ADGRV1: variants seen among roughly 807,000 people sequenced by gnomAD.
The protein encoded by ADGRV1 is G-protein coupled receptor 98.
Under a neutral mutation model 596.2 loss-of-function variants are expected in ADGRV1, and 359 were observed. That is an observed-to-expected ratio of 0.60 (90% CI 0.55 to 0.66). The LOEUF is 0.66. Among genes scored for constraint, ADGRV1 ranks in the 30% least tolerant of loss-of-function variants. ADGRV1 has a pLI of 0.00. For synonymous variants in ADGRV1, 2,681 were observed against 2,679.2 expected (o/e 1.00, Z -0.02); for missense variants, 7,274 against 7,575.6 (o/e 0.96, Z 1.48).
At chr5:90,579,737 G>A (rs1757725318) in intron 1 of ADGRV1, among the ~76,000 whole-genome samples, 3 of 152,192 alleles carry the variant, frequency 2.0e-5, no homozygotes, top group Non-Finnish European at 4.4e-5. Flanking sequence ...TTGTGTGGGA[G>A]TCTAAGTCTC....
At chr5:90,799,479 A>G (rs1036907055) in intron 70 of ADGRV1, among the ~76,000 whole-genome samples, 3 of 152,204 alleles carry the variant, frequency 2.0e-5, no homozygotes, top group Non-Finnish European at 2.9e-5. Flanking sequence ...GGAAGAATTA[A>G]TATCGTTAAA....
At chr5:91,121,730 T>C (rs1477480610) in intron 87 of ADGRV1, among the ~76,000 whole-genome samples, 2 of 152,072 alleles carry the variant, frequency 1.3e-5, no homozygotes. Flanking sequence ...GAAGATGACA[T>C]CAGCCAAATA....
At chr5:91,067,063 G>T (rs1449579701) in intron 85 of ADGRV1, among the ~76,000 whole-genome samples, 1 of 152,066 alleles carries the variant, frequency 6.6e-6, no homozygotes, top group African/African-American at 2.4e-5. Context: ...TCAGGATTGG[G>T]TCATTTTCCT....
chr5:91,031,401 C>T, intron 85 of ADGRV1: 1 of 978,388 alleles, frequency 1.0e-6, no homozygotes, highest in Non-Finnish European at 1.6e-6. Flanking sequence ...TGCCATGGTC[C>T]CGAAAACCTT....
chr5:90,969,738 T>C (rs745311519), intron 84 of ADGRV1, among the ~76,000 whole-genome samples: 21 of 152,144 alleles, frequency 1.4e-4, no homozygotes, highest in Admixed American at 6.5e-4. Flanking sequence ...GAAGGCAGGG[T>C]TGGGGCAGTT....
At chr5:90,729,002 T>A in intron 49 of ADGRV1, 69 bp downstream of exon 49, 5 of 1,099,562 alleles carry the variant, frequency 4.5e-6, no homozygotes, top group Non-Finnish European at 6.4e-6. Flanking sequence ...ATGGTATATT[T>A]TATATGAAAA....
At chr5:90,611,975 G>A (rs768446952) in intron 1 of ADGRV1, among the ~76,000 whole-genome samples, 13 of 151,828 alleles carry the variant, frequency 8.6e-5, no homozygotes, top group Admixed American at 1.3e-4. Flanking sequence ...AACTTTGCCC[G>A]AACAACTTTT....
intron 84 of ADGRV1, among the ~76,000 whole-genome samples, chr5:90,969,408 C>T (rs542038551): frequency 3.0e-4 from 46 of 152,184 alleles, no homozygotes; most frequent in African/African-American, 1.0e-3. Context: ...GAAAGAGGTC[C>T]GACTTTGAGT....
At chr5:91,072,322 A>G (rs1201878906) in intron 85 of ADGRV1, 125 bp from the exon 86 acceptor site, 3 of 875,230 alleles carry the variant, frequency 3.4e-6, no homozygotes, top group Non-Finnish European at 5.5e-6. Flanking sequence ...TTGGCAAACC[A>G]AAAATCTGAT....
chr5:90,598,644 G>T (rs142518672), intron 1 of ADGRV1, among the ~76,000 whole-genome samples: 1 of 152,302 alleles, frequency 6.6e-6, no homozygotes, highest in African/African-American at 2.4e-5. Flanking sequence ...AAGTACTGTA[G>T]TCTGGGAGAC....
At chr5:91,092,754 A>G (rs990810836) in intron 86 of ADGRV1, 1 of 152,202 alleles carries the variant, frequency 6.6e-6, no homozygotes, top group Non-Finnish European at 1.5e-5. Flanking sequence ...GATGAAGTCA[A>G]TTAAATAGGG....
chr5:90,728,996 T>A, intron 49 of ADGRV1, 63 bp downstream of exon 49: 2 of 1,112,326 alleles, frequency 1.8e-6, no homozygotes, highest in Non-Finnish European at 2.5e-6. Context: ...ATTCATATGG[T>A]ATATTTTATA....
chr5:90,673,960 T>G (rs1580691679), intron 22 of ADGRV1, 94 bp from the exon 23 acceptor site: 2 of 843,974 alleles, frequency 2.4e-6, no homozygotes, highest in East Asian at 5.3e-5. Flanking sequence ...GGTAACTTCA[T>G]TTAAATATAA....
At chr5:90,705,147 C>T (rs1466099556) in intron 36 of ADGRV1, among the ~76,000 whole-genome samples, 1 of 152,080 alleles carries the variant, frequency 6.6e-6, no homozygotes, top group African/African-American at 2.4e-5. Flanking sequence ...TGGGTACTTT[C>T]CTCAGTTTCT....
Position 90,610,823 on chromosome 5 carries a change from G to T in ADGRV1, c.23-4012G>T, listed in dbSNP as rs529149725. Reference sequence around the variant, plus strand: ...CAGAAACTGAAAACTCTAGGATAAAGCTGGATTCAAGAGCTTAAGCTTGAT... The same window carrying T: ...CAGAAACTGAAAACTCTAGGATAAATCTGGATTCAAGAGCTTAAGCTTGAT... On this transcript the variant is annotated intron_variant, in intron 1 of 89. Transcript: ENST00000405460. 5.0e-4 allele frequency among the ~76,000 whole-genome samples: 76 copies of T among 151,950 alleles called. 2 individuals carry two copies. Among genetic ancestry groups the T allele is most frequent in the Non-Finnish European group, 1.2e-4 (8 of 67,902 alleles).
chr5:90,828,426 A>G (rs957807660), intron 76 of ADGRV1, among the ~76,000 whole-genome samples: 4 of 152,076 alleles, frequency 2.6e-5, no homozygotes, highest in African/African-American at 9.7e-5. Context: ...AACTGCTGTC[A>G]GGGTGTGGTA....
At position 90,726,678 on chromosome 5, in the gene ADGRV1, T is replaced by G. The variant is rs138212186; in HGVS notation, c.10161+1022T>G. ...ATGTGTGTGTGTGTGTGTGTGTGTGTGTGTGATCCTTCTCAGTCCCCATTG... is the reference window on the plus strand; with the variant it reads ...ATGTGTGTGTGTGTGTGTGTGTGTGGGTGTGATCCTTCTCAGTCCCCATTG... On this transcript the variant is annotated intron_variant, in intron 48 of 89. Coordinates refer to ENST00000405460, the MANE Select transcript of ADGRV1 (RefSeq NM_032119.4). 1.5e-3 allele frequency among the ~76,000 whole-genome samples: 229 copies of G among 152,126 alleles called. 1 individual carries two copies. The highest frequency in any genetic ancestry group is 3.4e-3 in the Middle Eastern group (1 of 294).
intron 21 of ADGRV1, among the ~76,000 whole-genome samples, chr5:90,659,122 G>T (rs905025223): frequency 6.6e-6 from 1 of 152,074 alleles, no homozygotes; most frequent in Non-Finnish European, 1.5e-5. Flanking sequence ...TTAGCCCTTT[G>T]GTTTGGTGGC....
chr5:91,050,745 A>G (rs1228312439), intron 85 of ADGRV1, among the ~76,000 whole-genome samples: 2 of 152,188 alleles, frequency 1.3e-5, no homozygotes, highest in Admixed American at 6.5e-5. Flanking sequence ...CTGTGGTTCC[A>G]GGTACTCAGG....
Sources: gnomAD v4.1 joint callset for allele counts (sites outside exome capture counted in the v4.1 genomes callset) on GRCh38, gnomAD v4.1.1 for gene constraint, MANE v1.5 for transcripts, NCBI Gene and HGNC (gene_info 2026-07-23, HGNC 2026-07-21) for gene names.